Variants in CDC25C observed in about 807,000 individuals in gnomAD.
CDC25C encodes M-phase inducer phosphatase 3.
Under a neutral mutation model 52.5 loss-of-function variants are expected in CDC25C, and 48 were observed. That is an observed-to-expected ratio of 0.91 (90% CI 0.72 to 1.16). CDC25C has a LOEUF of 1.16. Ranked by LOEUF, CDC25C falls within the 50% of genes most tolerant of loss-of-function variation. The pLI, the probability that CDC25C is intolerant of heterozygous loss-of-function variation, is 0.00. For synonymous variants in CDC25C, 187 were observed against 206.5 expected, an observed-to-expected ratio of 0.91 and a Z score of 0.81; for missense variants, 510 against 566.1, an observed-to-expected ratio of 0.90 and a Z score of 1.01.
rs147251232 is a variant in CDC25C at position 138,286,512 on chromosome 5, T to C, written c.1145A>G (p.Glu382Gly). ...IIVFHCEFSS[E>G]RGPRMCRCLR... ...AGACACTCACATTCGGGGGCCCCTCTCTGAGGAGAATTCACAGTGGAACAC... is the reference window on the plus strand; with the variant it reads ...AGACACTCACATTCGGGGGCCCCTCCCTGAGGAGAATTCACAGTGGAACAC... The change falls in exon 12 of 14, where the codon GAG becomes GGG. Residue 382 changes from glutamate to glycine, a missense_variant. Glu to Gly is a moderately conservative substitution (Grantham distance 98, BLOSUM62 -2). Coordinates refer to ENST00000323760, the MANE Select transcript of CDC25C (RefSeq NM_001790.5). The C allele has an allele frequency of 1.1e-5, 17 of 1,612,528 alleles. No homozygotes were observed. Among genetic ancestry groups the C allele is most frequent in the African/African-American group, 5.3e-5 (4 of 74,870 alleles).
intron 7 of CDC25C, among the ~76,000 whole-genome samples, chr5:138,313,628 C>A (rs1289709948): frequency 6.6e-6 from 1 of 152,010 alleles, no homozygotes; most frequent in Non-Finnish European, 1.5e-5. Context: ...AATATTATTC[C>A]TATATGTGTC....
intron 6 of CDC25C, among the ~76,000 whole-genome samples, chr5:138,324,612 G>T (rs1223172200): frequency 6.6e-6 from 1 of 151,988 alleles, no homozygotes; most frequent in African/African-American, 2.4e-5. Flanking sequence ...ACAAAAATTA[G>T]CTGGGTGTGG....
chr5:138,337,803 AG>A, intron 1 of CDC25C: 1 of 426,424 alleles, frequency 2.3e-6, no homozygotes, highest in Admixed American at 3.8e-5. Context: ...TGCTGGGGGA[AG>A]GGGGATTCCT....
chr5:138,336,685 TA>T (rs149022470), upstream of CDC25C: 2,182 of 150,092 alleles, frequency 0.015, 23 homozygotes, highest in Non-Finnish European at 0.023. Flanking sequence ...ACCCTGTTTT[TA>T]CAAAAAAAAA....
intron 7 of CDC25C, among the ~76,000 whole-genome samples, chr5:138,311,618 T>C (rs1259572314): frequency 2.0e-5 from 3 of 151,320 alleles, no homozygotes; most frequent in African/African-American, 7.3e-5. Flanking sequence ...GGGGAGGGGG[T>C]TGGGGGAGGC....
At chr5:138,332,305 G>C (rs1760459251), upstream of CDC25C, 1 of 152,288 alleles carries the variant, frequency 6.6e-6, no homozygotes, top group Non-Finnish European at 1.5e-5. Flanking sequence ...TTCCACGGGA[G>C]ATGGAGCGTT....
chr5:138,305,666 G>A (rs942848178), intron 7 of CDC25C, among the ~76,000 whole-genome samples: 1 of 152,134 alleles, frequency 6.6e-6, no homozygotes, highest in African/African-American at 2.4e-5. Context: ...CTCCCAAAAT[G>A]TTGGGATTAC....
chr5:138,293,061 AT>A (rs1214860079), intron 7 of CDC25C, among the ~76,000 whole-genome samples: 2 of 152,112 alleles, frequency 1.3e-5, no homozygotes, highest in Non-Finnish European at 2.9e-5. Context: ...GAATAACAAC[AT>A]TTTGCTTTAT....
chr5:138,320,695 CAT>C (rs1759296923), intron 6 of CDC25C, among the ~76,000 whole-genome samples: 1 of 151,764 alleles, frequency 6.6e-6, no homozygotes. Context: ...GGGCAGATCA[CAT>C]GAGGCCAGGA....
chr5:138,331,772 A>T lies in CDC25C; in HGVS notation c.-216T>A, dbSNP rs917433896. On this transcript the variant is annotated 5_prime_UTR_variant, in exon 1 of 14. Coordinates refer to ENST00000323760, the MANE Select transcript of CDC25C (RefSeq NM_001790.5). ...GTCGGACTCAGAGTCTTCCCTGAGC[A>T]GAAGGCCAAAGTTACGGCCTCTGAG... is the stretch of plus-strand genomic sequence containing the variant. The T allele has an allele frequency of 1.0e-6, 1 of 962,426 alleles. No homozygotes were observed. Among genetic ancestry groups the T allele is most frequent in the African/African-American group, 1.8e-5 (1 of 57,066 alleles). 59.6% of individuals were successfully genotyped at this position (962,426 alleles called of 1,614,324 possible). A position where few individuals can be genotyped will look rare whatever the true frequency, so the allele number is the denominator to read the frequency against.
chr5:138,325,705 C>T, intron 6 of CDC25C, 110 bp downstream of exon 6: 2 of 758,920 alleles, frequency 2.6e-6, no homozygotes, highest in Non-Finnish European at 4.3e-6. Context: ...AATACAGTTT[C>T]CTTGTCTAGC....
chr5:138,314,294 T>C (rs1450718822), intron 7 of CDC25C, among the ~76,000 whole-genome samples: 2 of 150,538 alleles, frequency 1.3e-5, no homozygotes, highest in Admixed American at 6.6e-5. Flanking sequence ...CTGTCATTCA[T>C]AGCACCTTTT....
At chr5:138,307,180 CA>C (rs1758073315) in intron 7 of CDC25C, among the ~76,000 whole-genome samples, 5 of 151,894 alleles carry the variant, frequency 3.3e-5, no homozygotes, top group Admixed American at 3.3e-4. Context: ...TACTGCTATG[CA>C]TATTCTTATA....
chr5:138,305,369 A>G (rs1757928517), intron 7 of CDC25C, among the ~76,000 whole-genome samples: 1 of 152,122 alleles, frequency 6.6e-6, no homozygotes, highest in South Asian at 2.1e-4. Context: ...TTTTGTTTCC[A>G]TCATTACACT....
intron 7 of CDC25C, among the ~76,000 whole-genome samples, chr5:138,302,528 C>T (rs1757706459): frequency 6.6e-6 from 1 of 151,046 alleles, no homozygotes; most frequent in African/African-American, 2.4e-5. Context: ...AGAGAAACCC[C>T]GTCTCTACTA....
intron 7 of CDC25C, among the ~76,000 whole-genome samples, chr5:138,293,749 C>T (rs1026704365): frequency 6.6e-6 from 1 of 151,100 alleles, no homozygotes; most frequent in Non-Finnish European, 1.5e-5. Context: ...CAGGCTCAAG[C>T]GATCCTCCCA....
At chr5:138,313,769 G>C (rs1758633953) in intron 7 of CDC25C, among the ~76,000 whole-genome samples, 1 of 151,938 alleles carries the variant, frequency 6.6e-6, no homozygotes, top group Admixed American at 6.6e-5. Context: ...TTCTCATCCT[G>C]ATAGCTTCAA....
At chr5:138,306,322 G>A (rs1474898151) in intron 7 of CDC25C, among the ~76,000 whole-genome samples, 2 of 151,916 alleles carry the variant, frequency 1.3e-5, no homozygotes, top group Non-Finnish European at 2.9e-5. Flanking sequence ...GTTCACCATC[G>A]TATCACCAGT....
rs755004856 is a variant in CDC25C, at chr5:138,331,153, T to C, written c.28A>G (p.Arg10Gly). 1.9e-5 allele frequency: 31 copies of C among 1,614,034 alleles called. No homozygotes were observed. The highest frequency in any genetic ancestry group is 2.4e-5 in the Non-Finnish European group (28 of 1,180,000). Residue 10 changes from arginine to glycine, a missense_variant, in exon 2 of 14, where the codon AGA becomes GGA. Transcript: ENST00000323760. The stretch of plus-strand genomic sequence containing the variant: ...CCTGAGCCAGAGCTTCCTTCCTCTC[T>C]TGTGGATGAGAAGAGTTCCGTAGAC... MSTELFSST[R>G]EEGSSGSGPS...
Sources: allele counts gnomAD v4.1 joint callset (sites outside exome capture counted in the v4.1 genomes callset), GRCh38; gene constraint gnomAD v4.1.1; transcripts MANE v1.5; gene names NCBI Gene and HGNC (gene_info 2026-07-23, HGNC 2026-07-21).